ST3GAL1: variants seen among roughly 807,000 people sequenced by gnomAD.
The protein encoded by ST3GAL1 is ST3 beta-galactoside alpha-2,3-sialyltransferase 1, also known as CMP-N-acetylneuraminate-beta-galactosamide-alpha-2,3-sialyltransferase 1.
Under a neutral mutation model 34.1 loss-of-function variants are expected in ST3GAL1, and 16 were observed. The ratio of observed to expected loss-of-function variants is 0.47; its 90% confidence interval spans 0.32 to 0.71. ST3GAL1 has a LOEUF of 0.71. ST3GAL1 is among the 30% of genes least tolerant of loss of function. The pLI, the probability that ST3GAL1 is intolerant of heterozygous loss-of-function variation, is 0.04. For missense variants in ST3GAL1, 353 were observed against 447.4 expected, an observed-to-expected ratio of 0.79 and a Z score of 1.90; for synonymous variants, 191 against 184.7, an observed-to-expected ratio of 1.03 and a Z score of -0.28.
At chr8:133,532,773 T>C (rs1357016712) in intron 2 of ST3GAL1, among the ~76,000 whole-genome samples, 1 of 152,178 alleles carries the variant, frequency 6.6e-6, no homozygotes, top group South Asian at 2.1e-4. Context: ...TTCCTGCCCT[T>C]GTGCAGGATC....
intron 1 of ST3GAL1, among the ~76,000 whole-genome samples, chr8:133,557,014 C>T (rs927230987): frequency 6.6e-6 from 1 of 152,174 alleles, no homozygotes; most frequent in Non-Finnish European, 1.5e-5. Flanking sequence ...AACCCCCCAA[C>T]CTGACCCTCC....
At chr8:133,530,713 A>G (rs1359956730) in intron 2 of ST3GAL1, among the ~76,000 whole-genome samples, 1 of 152,166 alleles carries the variant, frequency 6.6e-6, no homozygotes, top group Non-Finnish European at 1.5e-5. Context: ...TAAAGCTCAT[A>G]TGGAGAGCTT....
intron 2 of ST3GAL1, among the ~76,000 whole-genome samples, chr8:133,540,633 A>C (rs1048962316): frequency 6.7e-6 from 1 of 149,174 alleles, no homozygotes; most frequent in Non-Finnish European, 1.5e-5. Flanking sequence ...TGGAAGAGAC[A>C]CTCCTTGACC....
At chr8:133,541,067 A>G in intron 2 of ST3GAL1, among the ~76,000 whole-genome samples, 1 of 56,202 alleles carries the variant, frequency 1.8e-5, no homozygotes, top group Non-Finnish European at 4.4e-5. Flanking sequence ...ATATATATAT[A>G]GACATATATA....
Position 133,497,956 on chromosome 8 carries a change from C to CT in ST3GAL1, c.-374+1178dup, listed in dbSNP as rs569562690. Among the ~76,000 whole-genome samples the CT allele has an allele frequency of 2.1e-3, 324 of 152,330 alleles. 3 individuals carry two copies. Among genetic ancestry groups the CT allele is most frequent in the African/African-American group, 7.3e-3 (302 of 41,572 alleles). On this transcript the variant is annotated intron_variant, in intron 3 of 9. Transcript: ENST00000522652. Reference sequence around the variant, plus strand: ...CCAAGCACACTCCCTGCCCCAGGGCCTTTGCACCTGCTGTTCCCTCTACCA... The same window carrying CT: ...CCAAGCACACTCCCTGCCCCAGGGCCTTTTGCACCTGCTGTTCCCTCTACCA...
intron 2 of ST3GAL1, among the ~76,000 whole-genome samples, chr8:133,505,846 C>T (rs772919937): frequency 6.6e-6 from 1 of 152,124 alleles, no homozygotes; most frequent in Non-Finnish European, 1.5e-5. Flanking sequence ...CACAATCCAC[C>T]CACCTCGGCC....
chr8:133,515,619 A>G (rs1209517484), intron 2 of ST3GAL1: 1 of 152,088 alleles, frequency 6.6e-6, no homozygotes, highest in Non-Finnish European at 1.5e-5. Context: ...TCTTACTATT[A>G]CCCTTACCAT....
At chr8:133,565,595 C>A (rs531966959) in intron 1 of ST3GAL1, among the ~76,000 whole-genome samples, 1 of 152,264 alleles carries the variant, frequency 6.6e-6, no homozygotes, top group African/African-American at 2.4e-5. Context: ...CTGCTGAACC[C>A]CAGAATGATA....
chr8:133,570,247 G>C lies in ST3GAL1; in HGVS notation c.-582+1446C>G, dbSNP rs992294109. The C allele has an allele frequency of 2.0e-5, 3 of 152,320 alleles. No homozygotes were observed. Among genetic ancestry groups the C allele is most frequent in the Non-Finnish European group, 4.4e-5 (3 of 68,100 alleles). The allele number at this position is 152,320 out of a possible 1,614,324, so 9.4% of individuals were successfully genotyped here. A position where few individuals can be genotyped will look rare whatever the true frequency, so the allele number is the denominator to read the frequency against. ...AGCTCGTCGCAAACTTGCGGGGCTT[G>C]GGGACCCGCGAGGGGGAGAAGTCGG... is the stretch of plus-strand genomic sequence containing the variant. On this transcript the variant is annotated intron_variant, in intron 1 of 9. Coordinates refer to ENST00000522652, the MANE Select transcript of ST3GAL1 (RefSeq NM_173344.3). This position sits in a 1 kb window ranked among gnomAD's most constrained non-coding sequence, Gnocchi z 5.6.
At chr8:133,464,727 G>T (rs767251491) in intron 7 of ST3GAL1, 51 bp downstream of exon 7, 21 of 1,558,066 alleles carry the variant, frequency 1.3e-5, no homozygotes, top group Non-Finnish European at 1.7e-5. Flanking sequence ...GGGGGACAGG[G>T]TGCCACTGCA....
intron 2 of ST3GAL1, among the ~76,000 whole-genome samples, chr8:133,500,324 G>T (rs1817107823): frequency 6.6e-6 from 1 of 152,188 alleles, no homozygotes; most frequent in South Asian, 2.1e-4. Flanking sequence ...GGCCCACGGG[G>T]GCCAGAAGGA....
intron 2 of ST3GAL1, among the ~76,000 whole-genome samples, chr8:133,538,603 G>A (rs1487721578): frequency 6.6e-6 from 1 of 152,252 alleles, no homozygotes; most frequent in East Asian, 1.9e-4. Flanking sequence ...GCAAAAGGCT[G>A]AGGGAATCCA....
rs1280551096 is a variant in ST3GAL1 at position 133,475,944 on chromosome 8, G to A, written c.81C>T (p.Asn27=). ...TGGTGGCCACCATGGTGTGGGAGTAGTTCAGGAAGAAGGAGGTGAGGAAGA... is the reference window on the plus strand; with the variant it reads ...TGGTGGCCACCATGGTGTGGGAGTAATTCAGGAAGAAGGAGGTGAGGAAGA... ...LFIFLTSFFL[N]YSHTMVATTW... Residue 27 remains asparagine, a synonymous_variant, in exon 5 of 10, where the codon AAC becomes AAT. Coordinates refer to ENST00000522652, the MANE Select transcript of ST3GAL1 (RefSeq NM_173344.3). The A allele has an allele frequency of 2.5e-6, 4 of 1,613,892 alleles. No homozygotes were observed. In the South Asian group the frequency reaches 3.3e-5, roughly 13 times the overall value.
chr8:133,531,538 T>C (rs1586646458), intron 2 of ST3GAL1, among the ~76,000 whole-genome samples: 1 of 151,998 alleles, frequency 6.6e-6, no homozygotes, highest in African/African-American at 2.4e-5. Flanking sequence ...TGCAAGTGGA[T>C]CCAGGATGCA....
chr8:133,468,147 A>C, intron 5 of ST3GAL1, among the ~76,000 whole-genome samples: 1 of 152,134 alleles, frequency 6.6e-6, no homozygotes, highest in Non-Finnish European at 1.5e-5. Flanking sequence ...GCAGGGTCTC[A>C]AGCAGATATT....
rs558640449 is a variant in ST3GAL1 at position 133,550,349 on chromosome 8, C to T, written c.-581-4423G>A. 1.8e-4 allele frequency among the ~76,000 whole-genome samples: 28 copies of T among 152,260 alleles called. No individual in the cohort carries two copies. The East Asian group carries it at 3.3e-3, about 18-fold the overall frequency. ...CATCTGTGAAGCATGTTCATACACA[C>T]GAGCCATACAAGAAAGACAAATCAG... On this transcript the variant is annotated intron_variant, in intron 1 of 9. Transcript: ENST00000522652.
At chr8:133,543,642 G>A (rs1316057690) in intron 2 of ST3GAL1, among the ~76,000 whole-genome samples, 5 of 151,992 alleles carry the variant, frequency 3.3e-5, no homozygotes, top group Non-Finnish European at 5.9e-5. Flanking sequence ...GGTTTCATGA[G>A]ATTGAGAAAA....
At position 133,535,474 on chromosome 8, in the gene ST3GAL1, AACAGT is replaced by A. The variant is rs1462503450; in HGVS notation, c.-429+10295_-429+10299del. Among the ~76,000 whole-genome samples, 3 of 151,512 alleles carry A rather than the reference AACAGT, an allele frequency of 2.0e-5. No individual in the cohort carries two copies. In the East Asian group the frequency reaches 5.8e-4, roughly 29 times the overall value. ...GCAAGTCTATTGGTGCCATTTTTCC[AACAGT>A]ATGTGCTCATTCCATTGGCATTTTT... On this transcript the variant is annotated intron_variant, in intron 2 of 9. Transcript: ENST00000522652.
intron 2 of ST3GAL1, among the ~76,000 whole-genome samples, chr8:133,505,364 C>T (rs1357415535): frequency 1.3e-5 from 2 of 152,104 alleles, no homozygotes; most frequent in African/African-American, 4.8e-5. Context: ...ATTGTGGTTC[C>T]TCATCTATGA....
Sources: gnomAD v4.1 joint callset for allele counts (sites outside exome capture counted in the v4.1 genomes callset) on GRCh38, gnomAD v4.1.1 for gene constraint, Gnocchi (gnomAD v3.1) non-coding constraint, MANE v1.5 for transcripts, NCBI Gene and HGNC (gene_info 2026-07-23, HGNC 2026-07-21) for gene names.